CHD9: variants seen among roughly 807,000 people sequenced by gnomAD.
CHD9 encodes the protein chromodomain helicase DNA binding protein 9.
A neutral mutation model predicts 316.1 loss-of-function variants in CHD9; 77 were observed. The ratio of observed to expected loss-of-function variants is 0.24; its 90% CI spans 0.20 to 0.29. The LOEUF (loss-of-function observed/expected upper bound fraction) is 0.29, where lower values mean the gene tolerates loss of function less well. Among genes scored for constraint, CHD9 ranks in the 10% least tolerant of loss-of-function variants. CHD9 has a pLI of 1.00. For synonymous variants in CHD9, 1,129 were observed against 1,158.3 expected (o/e 0.97, Z 0.51); for missense variants, 2,763 against 3,438.1 (o/e 0.80, Z 4.91).
At chr16:53,119,084 G>C (rs1676619174) in intron 1 of CHD9, among the ~76,000 whole-genome samples, 1 of 151,924 alleles carries the variant, frequency 6.6e-6, no homozygotes. Flanking sequence ...GAGCCACCAT[G>C]CCTGGCCTAA....
intron 1 of CHD9, among the ~76,000 whole-genome samples, chr16:53,088,727 C>G (rs1200667793): frequency 6.6e-6 from 1 of 152,090 alleles, no homozygotes; most frequent in East Asian, 1.9e-4. Context: ...TTCCTGTAAT[C>G]CTAACACTTT....
chr16:53,167,856 A>G (rs2042379198), intron 2 of CHD9, among the ~76,000 whole-genome samples: 1 of 151,964 alleles, frequency 6.6e-6, no homozygotes. Context: ...TTCAACTTTT[A>G]TGAGATTTTT....
rs926840469 is a variant in CHD9, at chr16:53,245,389, A to G, written c.3108A>G (p.Leu1036=). 8.2e-6 allele frequency: 13 copies of G among 1,590,616 alleles called. No individual in the cohort carries two copies. Among genetic ancestry groups the G allele is most frequent in the Admixed American group, 3.6e-5 (2 of 55,328 alleles). The change falls in exon 14 of 39, where the codon CTA becomes CTG. Residue 1036 remains leucine, a synonymous_variant. Coordinates refer to ENST00000447540, the MANE Select transcript of CHD9 (RefSeq NM_001308319.2). This position sits in a 1 kb window ranked among gnomAD's most constrained non-coding sequence, Gnocchi z 4.1. The part of the protein sequence containing the change: ...GTPLQNTVEE[L]FSLLHFLEPL... ...CTCTCCAAAATACAGTTGAAGAACTATTTAGTCTTCTTCACTTTCTTGAAC... is the reference window on the plus strand; with the variant it reads ...CTCTCCAAAATACAGTTGAAGAACTGTTTAGTCTTCTTCACTTTCTTGAAC...
rs377019215 is a variant in CHD9, at chr16:53,107,489, T to TA, written c.-164-48434dup. 4.2e-4 allele frequency among the ~76,000 whole-genome samples: 52 copies of TA among 123,132 alleles called. 1 individual carries two copies. The highest frequency in any genetic ancestry group is 1.5e-3 in the African/African-American group (40 of 26,452). 80.8% of individuals were successfully genotyped at this position (123,132 alleles called of 152,430 possible). ...TAAAATAAAATAAAATAAAATAAAA[T>TA]AAATAAAATAAAATAAAATAAAATA... On this transcript the variant is annotated intron_variant, in intron 1 of 38. Coordinates refer to ENST00000447540, the MANE Select transcript of CHD9 (RefSeq NM_001308319.2).
chr16:53,108,910 A>C (rs1020094773), intron 1 of CHD9, among the ~76,000 whole-genome samples: 4 of 152,066 alleles, frequency 2.6e-5, no homozygotes, highest in African/African-American at 9.7e-5. Context: ...AAATAAAATA[A>C]AATAAAATAA....
At chr16:53,211,877 A>G (rs1205206429) in intron 3 of CHD9, among the ~76,000 whole-genome samples, 1 of 152,196 alleles carries the variant, frequency 6.6e-6, no homozygotes, top group African/African-American at 2.4e-5. Context: ...AAGCCACTAT[A>G]CTTTGTAATT....
intron 24 of CHD9, among the ~76,000 whole-genome samples, chr16:53,281,976 A>G (rs549393720): frequency 3.8e-4 from 58 of 152,232 alleles, no homozygotes; most frequent in African/African-American, 1.4e-3. Context: ...CTTTCATTAC[A>G]ATTTAAGCTG....
At chr16:53,083,332 C>T (rs1040964117) in intron 1 of CHD9, among the ~76,000 whole-genome samples, 2 of 152,178 alleles carry the variant, frequency 1.3e-5, no homozygotes, top group African/African-American at 4.8e-5. Context: ...TCTGAAATTT[C>T]TCCTCTTATC....
Position 53,147,412 on chromosome 16 carries a change from C to T in CHD9, c.-164-8514C>T, listed in dbSNP as rs371547205. ...AACTGTCAAGTATACAGCGCAGTGG[C>T]ATCAACATCATTCACAATGTTGTAC... is the stretch of plus-strand genomic sequence containing the variant. On this transcript the variant is annotated intron_variant, in intron 1 of 38. Coordinates refer to ENST00000447540, the MANE Select transcript of CHD9 (RefSeq NM_001308319.2). Among the ~76,000 whole-genome samples, 26 of 152,336 alleles carry T rather than the reference C, an allele frequency of 1.7e-4. 1 individual carries two copies. In the South Asian group the frequency reaches 3.1e-3, roughly 18 times the overall value.
At chr16:53,321,370 CACGGTGGGCCTTTTTAA>C in intron 37 of CHD9, 139 bp from the exon 38 acceptor site, 4 of 983,472 alleles carry the variant, frequency 4.1e-6, no homozygotes, top group Non-Finnish European at 4.8e-6. Flanking sequence ...TCCATAGGGT[CACGGTGGGCCTTTTTAA>C]TATAATCATA....
In CHD9 at chr16:53,156,619, T is replaced by C. The variant is rs1421452480; in HGVS notation, c.530T>C (p.Leu177Pro). Reference sequence around the variant, plus strand: ...GAACAACAAACACAGTGTACTTCACTACGCTCACAACAAAACAGAAATAAT... The same window carrying C: ...GAACAACAAACACAGTGTACTTCACCACGCTCACAACAAAACAGAAATAAT... ...ANEQQTQCTS[L>P]RSQQNRNNLN... is the part of the protein sequence containing the mutation. Residue 177 changes from leucine (L) to proline (P), a missense_variant, in exon 2 of 39, where the codon CTA (leucine) becomes CCA (proline). Coordinates refer to ENST00000447540, the MANE Select transcript of CHD9 (RefSeq NM_001308319.2). The C allele has an allele frequency of 1.2e-6, 2 of 1,613,972 alleles. No individual in the cohort carries two copies. The highest frequency in any genetic ancestry group is 8.5e-7 in the Non-Finnish European group (1 of 1,179,878).
intron 1 of CHD9, among the ~76,000 whole-genome samples, chr16:53,132,793 CTTTTTT>C (rs748626858): frequency 8.8e-5 from 6 of 68,478 alleles, no homozygotes; most frequent in South Asian, 1.1e-3. Context: ...TCTAATTCTG[CTTTTTT>C]TTTTTTTTTT....
chr16:53,309,996 C>T (rs1439049294), intron 34 of CHD9, among the ~76,000 whole-genome samples: 1 of 152,172 alleles, frequency 6.6e-6, no homozygotes, highest in Non-Finnish European at 1.5e-5. Context: ...GACTGTACTT[C>T]AGTATTCTAC....
chr16:53,156,605 A>G lies in CHD9; in HGVS notation c.516A>G (p.Thr172=). 6.2e-7 allele frequency: 1 copy of G among 1,614,006 alleles called. No homozygotes were observed. Among genetic ancestry groups the G allele is most frequent in the Non-Finnish European group, 8.5e-7 (1 of 1,179,892 alleles). ...TATTTCAGGCCAATGAACAACAAAC[A>G]CAGTGTACTTCACTACGCTCACAAC... ...FALFQANEQQ[T]QCTSLRSQQN... The change falls in exon 2 of 39, where the codon ACA becomes ACG. Residue 172 remains threonine, a synonymous_variant. Coordinates refer to ENST00000447540, the MANE Select transcript of CHD9 (RefSeq NM_001308319.2).
At chr16:53,138,236 G>A (rs948954556) in intron 1 of CHD9, among the ~76,000 whole-genome samples, 1 of 152,106 alleles carries the variant, frequency 6.6e-6, no homozygotes, top group Non-Finnish European at 1.5e-5. Flanking sequence ...GGGAAATTGG[G>A]CTTTATATCT....
chr16:53,253,526 T>G (rs2050304029), intron 17 of CHD9, among the ~76,000 whole-genome samples: 1 of 152,090 alleles, frequency 6.6e-6, no homozygotes. Context: ...CACCAAAATC[T>G]CACAAATTAC....
In CHD9 at chr16:53,162,118, G is replaced by A. The variant is rs1437864153; in HGVS notation, c.1452+4577G>A. ...TAGATATCACTTCAAATATCTCAGCGTACGCTAAACTATGTGTCAATTGTT... is the reference window on the plus strand; with the variant it reads ...TAGATATCACTTCAAATATCTCAGCATACGCTAAACTATGTGTCAATTGTT... On this transcript the variant is annotated intron_variant, in intron 2 of 38. Transcript: ENST00000447540. 3.9e-5 allele frequency among the ~76,000 whole-genome samples: 6 copies of A among 152,252 alleles called. No individual in the cohort carries two copies. The East Asian group carries it at 5.8e-4, about 15-fold the overall frequency.
intron 2 of CHD9, among the ~76,000 whole-genome samples, chr16:53,184,047 C>A (rs986863320): frequency 6.6e-6 from 1 of 151,878 alleles, no homozygotes; most frequent in African/African-American, 2.4e-5. Context: ...TGGGTTCATG[C>A]CATTCTCCTG....
chr16:53,204,624 G>A (rs1225427326), intron 2 of CHD9, among the ~76,000 whole-genome samples: 1 of 151,900 alleles, frequency 6.6e-6, no homozygotes, highest in Non-Finnish European at 1.5e-5. Flanking sequence ...TTGCTATTAG[G>A]TCATGACCTG....
Sources: allele counts gnomAD v4.1 joint callset (sites outside exome capture counted in the v4.1 genomes callset), GRCh38; gene constraint gnomAD v4.1.1; non-coding constraint Gnocchi (gnomAD v3.1); transcripts MANE v1.5; gene names NCBI Gene and HGNC (gene_info 2026-07-23, HGNC 2026-07-21).